The following AFF1 variants were observed in gnomAD, a reference collection of about 807,000 sequenced individuals.
The protein encoded by AFF1 is AF4/FMR2 family member 1.
A neutral mutation model predicts 121.7 loss-of-function variants in AFF1; 48 were observed. The observed-to-expected ratio is 0.39, with a 90% confidence interval of 0.31 to 0.50. The LOEUF (loss-of-function observed/expected upper bound fraction) is 0.50, where lower values mean the gene tolerates loss of function less well. Among genes scored for constraint, AFF1 ranks in the 20% least tolerant of loss-of-function variants. The pLI is 0.76. For synonymous variants in AFF1, 613 were observed against 563.0 expected (o/e 1.09, Z -1.26); for missense variants, 1,523 against 1,511.7 (o/e 1.01, Z -0.12).
rs1729453011 is a variant in AFF1 at position 87,138,230 on chromosome 4, T to C, written c.*2529T>C. 4 of 232,522 alleles carry C rather than the reference T, an allele frequency of 1.7e-5. No homozygotes were observed. The highest frequency in any genetic ancestry group is 1.8e-4 in the South Asian group (1 of 5,526). The allele number at this position is 232,522 out of a possible 1,614,324, so 14.4% of individuals were successfully genotyped here. On this transcript the variant is annotated 3_prime_UTR_variant, in exon 21 of 21. Coordinates refer to ENST00000395146, the MANE Select transcript of AFF1 (RefSeq NM_001166693.3). The stretch of plus-strand genomic sequence containing the variant: ...GTGGCTGATGAATCCTTAACGTTCA[T>C]AGGGTCTTTTTGCTGTTACGGTTGT...
chr4:87,065,574 C>T (rs1048475491), intron 4 of AFF1, among the ~76,000 whole-genome samples: 6 of 151,124 alleles, frequency 4.0e-5, no homozygotes, highest in South Asian at 2.1e-4. Flanking sequence ...AGTATTATGA[C>T]GCAGTGCCGC....
Position 87,139,343 on chromosome 4 carries a change from T to G in AFF1, c.*3642T>G, listed in dbSNP as rs915922972. 7 of 233,110 alleles carry G rather than the reference T, an allele frequency of 3.0e-5. No homozygotes were observed. Among genetic ancestry groups the G allele is most frequent in the Non-Finnish European group, 5.9e-5 (7 of 117,936 alleles). 14.4% of individuals were successfully genotyped at this position (233,110 alleles called of 1,614,324 possible). A position where few individuals can be genotyped will look rare whatever the true frequency, so the allele number is the denominator to read the frequency against. On this transcript the variant is annotated 3_prime_UTR_variant, in exon 21 of 21. Coordinates refer to ENST00000395146, the MANE Select transcript of AFF1 (RefSeq NM_001166693.3). ...GAGGCTGGGCTTTCGGGTTTTTTTG[T>G]TTTTTGTTTTGTTTTGTTTTGTTTT...
chr4:87,088,402 C>T (rs921370433), intron 5 of AFF1, among the ~76,000 whole-genome samples: 7 of 152,174 alleles, frequency 4.6e-5, no homozygotes, highest in African/African-American at 1.4e-4. Flanking sequence ...GGAAGGGCAA[C>T]GGGAGACCTG....
At chr4:87,085,123 CATTACCCACTTGTTCA>C (rs1419001538) in intron 5 of AFF1, among the ~76,000 whole-genome samples, 5 of 152,218 alleles carry the variant, frequency 3.3e-5, no homozygotes, top group Non-Finnish European at 5.9e-5. Context: ...TCATTGAATA[CATTACCCACTTGTTCA>C]ATTTTTCTTG....
At chr4:87,105,549 A>C (rs1725826218) in intron 8 of AFF1, 79 bp from the exon 9 acceptor site, 1 of 1,502,010 alleles carries the variant, frequency 6.7e-7, no homozygotes, top group Admixed American at 1.7e-5. Flanking sequence ...TTAATTAGGC[A>C]TATTTTCTAT....
chr4:87,000,353 T>G (rs1439085615), intron 2 of AFF1, among the ~76,000 whole-genome samples: 1 of 152,168 alleles, frequency 6.6e-6, no homozygotes, highest in African/African-American at 2.4e-5. Flanking sequence ...TGAGAAATAA[T>G]GCAGTTTTAG....
intron 4 of AFF1, among the ~76,000 whole-genome samples, chr4:87,063,107 A>G (rs191310881): frequency 1.4e-4 from 22 of 151,976 alleles, no homozygotes; most frequent in Admixed American, 1.4e-3. Flanking sequence ...AAGAAAATGT[A>G]TGTTAAACCT....
At chr4:86,996,166 C>T (rs1264214052) in intron 2 of AFF1, among the ~76,000 whole-genome samples, 1 of 152,222 alleles carries the variant, frequency 6.6e-6, no homozygotes, top group East Asian at 1.9e-4. Context: ...TCTGCCCGGC[C>T]GCCCCTACTG....
At chr4:87,124,270 A>G (rs1261167925) in intron 12 of AFF1, among the ~76,000 whole-genome samples, 2 of 152,196 alleles carry the variant, frequency 1.3e-5, no homozygotes, top group African/African-American at 4.8e-5. Flanking sequence ...AGTTAGAGAT[A>G]CTTAAATTCA....
intron 12 of AFF1, among the ~76,000 whole-genome samples, chr4:87,116,455 G>A (rs763395813): frequency 1.1e-4 from 16 of 152,138 alleles, no homozygotes; most frequent in Non-Finnish European, 1.6e-4. Flanking sequence ...CACAAGAAGG[G>A]CCAACTCTCT....
intron 4 of AFF1, among the ~76,000 whole-genome samples, chr4:87,061,951 A>G (rs1324353339): frequency 5.3e-5 from 8 of 152,202 alleles, no homozygotes; most frequent in Admixed American, 3.9e-4. Flanking sequence ...ATGTTTTCCT[A>G]CAAGTCTTTA....
chr4:87,076,576 T>C (rs989962540), intron 4 of AFF1, among the ~76,000 whole-genome samples: 8 of 152,260 alleles, frequency 5.3e-5, no homozygotes, highest in Non-Finnish European at 1.2e-4. Flanking sequence ...ACTTTATTTT[T>C]AGGAAAGCTG....
chr4:87,095,814 C>G (rs1190195708), intron 8 of AFF1, among the ~76,000 whole-genome samples: 1 of 152,064 alleles, frequency 6.6e-6, no homozygotes, highest in East Asian at 1.9e-4. Flanking sequence ...TACTACTTTA[C>G]TTTCATATGA....
intron 12 of AFF1, among the ~76,000 whole-genome samples, chr4:87,120,511 G>A (rs1727576823): frequency 6.6e-6 from 1 of 152,210 alleles, no homozygotes; most frequent in Non-Finnish European, 1.5e-5. Context: ...AAATAGATCT[G>A]CAGCTCAGGC....
intron 4 of AFF1, among the ~76,000 whole-genome samples, chr4:87,062,821 T>C (rs1161468027): frequency 2.6e-5 from 4 of 152,202 alleles, no homozygotes; most frequent in Non-Finnish European, 5.9e-5. Context: ...CAGCATGTTA[T>C]TCATTGGATG....
intron 2 of AFF1, among the ~76,000 whole-genome samples, chr4:87,012,643 T>C (rs1207160761): frequency 6.6e-6 from 1 of 152,212 alleles, no homozygotes; most frequent in East Asian, 1.9e-4. Flanking sequence ...GTTCATTTGC[T>C]CATTTGCTCA....
chr4:86,992,984 A>G (rs1181445611), intron 2 of AFF1, among the ~76,000 whole-genome samples: 3 of 152,202 alleles, frequency 2.0e-5, no homozygotes, highest in African/African-American at 7.2e-5. Flanking sequence ...ATGCTTTCCT[A>G]TAGGGTTGCA....
chr4:87,038,176 C>A (rs1250549198), intron 2 of AFF1, among the ~76,000 whole-genome samples: 3 of 152,060 alleles, frequency 2.0e-5, no homozygotes, highest in Non-Finnish European at 4.4e-5. Context: ...AGGATTAAGT[C>A]TCTGATTACT....
At chr4:87,117,106 G>C (rs569372180) in intron 12 of AFF1, among the ~76,000 whole-genome samples, 9 of 152,220 alleles carry the variant, frequency 5.9e-5, no homozygotes, top group Admixed American at 2.0e-4. Context: ...AGAACCCGGA[G>C]GATCCCCCAG....
Sources: gnomAD v4.1 joint callset for allele counts (sites outside exome capture counted in the v4.1 genomes callset) on GRCh38, gnomAD v4.1.1 for gene constraint, MANE v1.5 for transcripts, NCBI Gene and HGNC (gene_info 2026-07-23, HGNC 2026-07-21) for gene names.